FOXP1: variants seen among roughly 807,000 people sequenced by gnomAD.
FOXP1 encodes forkhead box protein P1.
FOXP1 carries 15 observed loss-of-function variants against 98.2 expected under a neutral mutation model. The ratio of observed to expected loss-of-function variants is 0.15; its 90% CI spans 0.10 to 0.24. The LOEUF (loss-of-function observed/expected upper bound fraction) is 0.24. Ranked by LOEUF, FOXP1 falls within the 10% of genes least tolerant of loss-of-function variation. The pLI, the probability that FOXP1 is intolerant of heterozygous loss-of-function variation, is 1.00. For synonymous variants in FOXP1, 371 were observed against 314.5 expected, an observed-to-expected ratio of 1.18 and a Z score of -1.90; for missense variants, 633 against 848.5, an observed-to-expected ratio of 0.75 and a Z score of 3.15.
At chr3:71,325,872 A>G (rs2075659891) in intron 4 of FOXP1, among the ~76,000 whole-genome samples, 1 of 152,140 alleles carries the variant, frequency 6.6e-6, no homozygotes, top group Admixed American at 6.6e-5. Flanking sequence ...TGTATGAAAC[A>G]TCTGTGGGAT....
chr3:71,371,810 C>T (rs1358979503), intron 3 of FOXP1, among the ~76,000 whole-genome samples: 1 of 151,994 alleles, frequency 6.6e-6, no homozygotes, highest in East Asian at 1.9e-4. Flanking sequence ...TATACAGGGT[C>T]CTGCTGACCC....
intron 2 of FOXP1, chr3:71,542,080 A>G (rs750657531): frequency 5.7e-6 from 3 of 522,722 alleles, no homozygotes; most frequent in South Asian, 2.9e-5. Flanking sequence ...ACTGGCTTAT[A>G]TATCAAAATC....
intron 6 of FOXP1, among the ~76,000 whole-genome samples, chr3:71,144,514 G>A (rs542888879): frequency 1.1e-4 from 16 of 152,340 alleles, no homozygotes; most frequent in African/African-American, 3.6e-4. Context: ...GGTAAGATGG[G>A]TTGGCAGAAA....
chr3:71,200,083 CAAAAAAAA>C (rs61281811), intron 5 of FOXP1, among the ~76,000 whole-genome samples: 1 of 76,110 alleles, frequency 1.3e-5, no homozygotes, highest in Admixed American at 1.9e-4. Context: ...CTCCATCTCA[CAAAAAAAA>C]AAAAAAAAAA....
At chr3:71,474,672 A>T (rs1438461425) in intron 3 of FOXP1, among the ~76,000 whole-genome samples, 1 of 151,930 alleles carries the variant, frequency 6.6e-6, no homozygotes, top group Non-Finnish European at 1.5e-5. Flanking sequence ...TCCTTATGAG[A>T]ATCTAATGCC....
chr3:71,579,632 C>CTTTTTTTTTTTTTTTTTT (rs35646548), intron 2 of FOXP1, among the ~76,000 whole-genome samples: 59 of 122,966 alleles, frequency 4.8e-4, no homozygotes, highest in African/African-American at 7.8e-4. Flanking sequence ...TTTCTTTTTT[C>CTTTTTTTTTTTTTTTTTT]TTTTTTTTTT....
Position 71,316,057 on chromosome 3 carries a change from A to G in FOXP1, c.-72-16177T>C, listed in dbSNP as rs543526578. Among the ~76,000 whole-genome samples, 3 of 152,300 alleles carry G rather than the reference A, an allele frequency of 2.0e-5. No homozygotes were observed. In the South Asian group the frequency reaches 6.2e-4, roughly 32 times the overall value. ...AGAGATCATTTCATTAGGAGGCAAG[A>G]GAGGGCGGCTCTGCTCCTGGACCCA... On this transcript the variant is annotated intron_variant, in intron 4 of 20. Coordinates refer to ENST00000649528, the MANE Select transcript of FOXP1 (RefSeq NM_001349338.3).
intron 7 of FOXP1, among the ~76,000 whole-genome samples, chr3:71,085,439 C>G (rs1358117328): frequency 6.6e-6 from 1 of 152,126 alleles, no homozygotes; most frequent in African/African-American, 2.4e-5. Flanking sequence ...GTGTGAGCTA[C>G]TACGCCAGGC....
In FOXP1 at chr3:71,064,844, G is replaced by A. The variant is rs757579742; in HGVS notation, c.283-11071C>T. 4 of 982,880 alleles carry A rather than the reference G, an allele frequency of 4.1e-6. No homozygotes were observed. The African/African-American group carries it at 5.3e-5, about 13-fold the overall frequency. The allele number at this position is 982,880 out of a possible 1,614,324, so 60.9% of individuals were successfully genotyped here. On this transcript the variant is annotated intron_variant, in intron 7 of 20. Coordinates refer to ENST00000649528, the MANE Select transcript of FOXP1 (RefSeq NM_001349338.3). ...CCAACCTGACACTCTCCATGTAGCC[G>A]CCAGGCGCGCGGAGCCGGGCTCGGG...
rs116048142 is a variant in FOXP1 at position 71,430,042 on chromosome 3, C to T, written c.-168+63384G>A. 4.1e-3 allele frequency among the ~76,000 whole-genome samples: 625 copies of T among 152,310 alleles called. 7 individuals carry two copies. Among genetic ancestry groups the T allele is most frequent in the African/African-American group, 0.014 (600 of 41,570 alleles). On this transcript the variant is annotated intron_variant, in intron 3 of 20. Coordinates refer to ENST00000649528, the MANE Select transcript of FOXP1 (RefSeq NM_001349338.3). ...AAGATTCCTTTTTCCTCCATCCAAGCTCACACAGGAAGTGATACGAGAGGT... is the reference window on the plus strand; with the variant it reads ...AAGATTCCTTTTTCCTCCATCCAAGTTCACACAGGAAGTGATACGAGAGGT...
At chr3:71,354,485 G>A (rs1476383159) in intron 4 of FOXP1, among the ~76,000 whole-genome samples, 2 of 152,214 alleles carry the variant, frequency 1.3e-5, no homozygotes, top group African/African-American at 2.4e-5. Flanking sequence ...CCATTGCAGC[G>A]CTTGAGGTTT....
chr3:71,264,348 A>G (rs1424547770), intron 5 of FOXP1, among the ~76,000 whole-genome samples: 2 of 152,212 alleles, frequency 1.3e-5, no homozygotes, highest in African/African-American at 2.4e-5. Context: ...ATGTTTTTCA[A>G]AACACATGAA....
At chr3:70,983,453 C>G (rs1213957545) in intron 14 of FOXP1, among the ~76,000 whole-genome samples, 1 of 152,024 alleles carries the variant, frequency 6.6e-6, no homozygotes, top group Non-Finnish European at 1.5e-5. Context: ...TTCGGGGGGG[C>G]ACTTTGTTTT....
chr3:71,034,583 A>G (rs2047333472), intron 11 of FOXP1, among the ~76,000 whole-genome samples: 1 of 152,242 alleles, frequency 6.6e-6, no homozygotes, highest in Non-Finnish European at 1.5e-5. Context: ...GAAAATCAGT[A>G]TAGTATCAAG....
intron 5 of FOXP1, among the ~76,000 whole-genome samples, chr3:71,258,364 G>T (rs1010841379): frequency 6.6e-6 from 1 of 152,198 alleles, no homozygotes; most frequent in African/African-American, 2.4e-5. Context: ...AACACTGAAG[G>T]AAGCAGTAAC....
At chr3:71,297,330 A>C (rs557198505) in intron 5 of FOXP1, among the ~76,000 whole-genome samples, 4 of 152,128 alleles carry the variant, frequency 2.6e-5, no homozygotes, top group Admixed American at 6.5e-5. Flanking sequence ...ATTTCTTTCC[A>C]ATTTTTCCCT....
intron 3 of FOXP1, among the ~76,000 whole-genome samples, chr3:71,431,923 C>T (rs528355273): frequency 6.6e-6 from 1 of 152,286 alleles, no homozygotes; most frequent in South Asian, 2.1e-4. Flanking sequence ...TAAACACCAT[C>T]ATATGTGCAA....
chr3:70,962,395 C>A (rs2033760720), intron 20 of FOXP1, among the ~76,000 whole-genome samples: 1 of 152,176 alleles, frequency 6.6e-6, no homozygotes, highest in Non-Finnish European at 1.5e-5. Flanking sequence ...GCCAAAACAT[C>A]TTTATGGTTC....
At chr3:71,108,720 G>A (rs1254023583) in intron 7 of FOXP1, among the ~76,000 whole-genome samples, 3 of 152,064 alleles carry the variant, frequency 2.0e-5, no homozygotes, top group South Asian at 2.1e-4. Flanking sequence ...AGCCGAGATC[G>A]CTCCACTGCA....
Sources: gnomAD v4.1 joint callset for allele counts (sites outside exome capture counted in the v4.1 genomes callset) on GRCh38, gnomAD v4.1.1 for gene constraint, MANE v1.5 for transcripts, NCBI Gene and HGNC (gene_info 2026-07-23, HGNC 2026-07-21) for gene names.